AUTS2: variants seen among roughly 807,000 people sequenced by gnomAD.
AUTS2 encodes activator of transcription and developmental regulator AUTS2.
Under a neutral mutation model 112.4 loss-of-function variants are expected in AUTS2, and 17 were observed. That is an observed-to-expected ratio of 0.15 (90% confidence interval 0.10 to 0.23). The LOEUF (loss-of-function observed/expected upper bound fraction) is 0.23, where lower values mean the gene tolerates loss of function less well. Among genes scored for constraint, AUTS2 ranks in the 10% least tolerant of loss-of-function variants. The pLI, the probability that AUTS2 is intolerant of heterozygous loss-of-function variation, is 1.00. For synonymous variants in AUTS2, 751 were observed against 702.7 expected (o/e 1.07, Z -1.09); for missense variants, 1,510 against 1,701.6 (o/e 0.89, Z 1.98).
At chr7:70,657,296 A>T (rs1249050959) in intron 5 of AUTS2, among the ~76,000 whole-genome samples, 3 of 152,212 alleles carry the variant, frequency 2.0e-5, no homozygotes, top group Non-Finnish European at 4.4e-5. Flanking sequence ...GATCATGTAC[A>T]AGTAAAATCA....
intron 4 of AUTS2, among the ~76,000 whole-genome samples, chr7:70,335,712 C>T (rs936184492): frequency 1.3e-5 from 2 of 152,050 alleles, no homozygotes; most frequent in African/African-American, 4.8e-5. Flanking sequence ...TGAAAAGATG[C>T]ATATGATTAG....
At chr7:70,706,022 T>C (rs1374659528) in intron 6 of AUTS2, among the ~76,000 whole-genome samples, 1 of 152,212 alleles carries the variant, frequency 6.6e-6, no homozygotes, top group Non-Finnish European at 1.5e-5. Flanking sequence ...CAGTTTCTAT[T>C]ATAAAGCATT....
At chr7:70,014,313 TAGAC>T (rs1209158770) in intron 2 of AUTS2, among the ~76,000 whole-genome samples, 2 of 152,212 alleles carry the variant, frequency 1.3e-5, no homozygotes, top group Admixed American at 6.5e-5. Context: ...CTTAACTAAT[TAGAC>T]AGATTAAAAA....
At chr7:69,824,677 C>G (rs1791162657) in intron 1 of AUTS2, 1 of 152,006 alleles carries the variant, frequency 6.6e-6, no homozygotes, top group African/African-American at 2.4e-5. Flanking sequence ...GTCACCTTTC[C>G]CTTCATTTTG....
chr7:70,603,925 A>G (rs945268564), intron 5 of AUTS2, among the ~76,000 whole-genome samples: 3 of 35,946 alleles, frequency 8.3e-5, no homozygotes, highest in Admixed American at 4.2e-4. Flanking sequence ...CTGCCACTCA[A>G]AAAATCAATG....
intron 5 of AUTS2, among the ~76,000 whole-genome samples, chr7:70,592,167 G>C (rs748533222): frequency 1.3e-5 from 2 of 152,032 alleles, no homozygotes; most frequent in African/African-American, 2.4e-5. Flanking sequence ...TTACATATTT[G>C]TATGTTTTTT....
chr7:70,602,892 G>A (rs910821335), intron 5 of AUTS2, among the ~76,000 whole-genome samples: 3 of 152,202 alleles, frequency 2.0e-5, no homozygotes, highest in Non-Finnish European at 4.4e-5. Flanking sequence ...GAAAAGTCAT[G>A]TGTCAGGTTG....
At position 69,683,860 on chromosome 7, in the gene AUTS2, G is replaced by A. The variant is rs191904660; in HGVS notation, c.309+83898G>A. Among the ~76,000 whole-genome samples the A allele has an allele frequency of 5.9e-5, 9 of 151,328 alleles. No homozygotes were observed. The East Asian group carries it at 1.6e-3, about 27-fold the overall frequency. On this transcript the variant is annotated intron_variant, in intron 1 of 18. Coordinates refer to ENST00000342771, the MANE Select transcript of AUTS2 (RefSeq NM_015570.4). ...TGGGAGGTGGAGGTTGCAGTGAGCCGAGATTGTGCCACTGCACTTCAGCCT... is the reference window on the plus strand; with the variant it reads ...TGGGAGGTGGAGGTTGCAGTGAGCCAAGATTGTGCCACTGCACTTCAGCCT...
intron 5 of AUTS2, among the ~76,000 whole-genome samples, chr7:70,616,812 G>T (rs1404517337): frequency 1.3e-5 from 2 of 148,914 alleles, no homozygotes; most frequent in Admixed American, 6.8e-5. Flanking sequence ...CAAGCAGTAG[G>T]AATTATTAGA....
chr7:70,734,306 G>A (rs1018078156), intron 6 of AUTS2, among the ~76,000 whole-genome samples: 10 of 152,016 alleles, frequency 6.6e-5, no homozygotes, highest in Admixed American at 2.6e-4. Context: ...TGGGCATGGT[G>A]GCCGGTGCCT....
intron 4 of AUTS2, among the ~76,000 whole-genome samples, chr7:70,261,821 C>T (rs17604001): frequency 0.21 from 31,781 of 152,084 alleles, 3,321 homozygotes; most frequent in Middle Eastern, 0.32. Flanking sequence ...AAAGCAGACC[C>T]CTGGCCTCAG....
intron 5 of AUTS2, among the ~76,000 whole-genome samples, chr7:70,553,126 A>G (rs527522600): frequency 6.6e-6 from 1 of 152,332 alleles, no homozygotes; most frequent in South Asian, 2.1e-4. Context: ...GACTTGTAGA[A>G]GAATGGACTT....
intron 1 of AUTS2, among the ~76,000 whole-genome samples, chr7:69,834,321 A>G (rs1362254494): frequency 6.6e-6 from 1 of 152,124 alleles, no homozygotes; most frequent in Non-Finnish European, 1.5e-5. Flanking sequence ...AGCCAGTTTC[A>G]TCTCTTCTAT....
intron 4 of AUTS2, among the ~76,000 whole-genome samples, chr7:70,185,531 C>A (rs1319052464): frequency 6.6e-6 from 1 of 152,078 alleles, no homozygotes; most frequent in Non-Finnish European, 1.5e-5. Flanking sequence ...GCATCATATT[C>A]ATCTAAAGGT....
At chr7:70,608,653 G>C (rs1803911666) in intron 5 of AUTS2, among the ~76,000 whole-genome samples, 1 of 152,206 alleles carries the variant, frequency 6.6e-6, no homozygotes, top group African/African-American at 2.4e-5. Flanking sequence ...GAGCTTCCGT[G>C]TCCCACATTC....
chr7:69,842,033 T>G (rs1792003525), intron 1 of AUTS2, among the ~76,000 whole-genome samples: 2 of 152,168 alleles, frequency 1.3e-5, no homozygotes, highest in South Asian at 4.1e-4. Flanking sequence ...TATGGGTGTT[T>G]GTTTTATATT....
chr7:70,569,130 A>G (rs982641508), intron 5 of AUTS2, among the ~76,000 whole-genome samples: 9 of 152,210 alleles, frequency 5.9e-5, no homozygotes, highest in Non-Finnish European at 1.5e-5. Context: ...GTTGACATCT[A>G]TAATAGATAT....
intron 1 of AUTS2, among the ~76,000 whole-genome samples, chr7:69,699,500 A>C (rs1358917828): frequency 2.0e-5 from 3 of 152,152 alleles, no homozygotes; most frequent in African/African-American, 7.2e-5. Context: ...ATTCCATCTC[A>C]CTACAGAGAG....
intron 2 of AUTS2, among the ~76,000 whole-genome samples, chr7:69,985,392 C>T (rs1217379389): frequency 3.9e-5 from 6 of 152,074 alleles, no homozygotes; most frequent in East Asian, 3.8e-4. Flanking sequence ...GTACAAACAA[C>T]GGGGTGGAGT....
Sources: gnomAD v4.1 joint callset for allele counts (sites outside exome capture counted in the v4.1 genomes callset) on GRCh38, gnomAD v4.1.1 for gene constraint, MANE v1.5 for transcripts, NCBI Gene and HGNC (gene_info 2026-07-23, HGNC 2026-07-21) for gene names.